Variants in UBE2W observed in about 807,000 individuals in gnomAD.
The protein encoded by UBE2W is ubiquitin-conjugating enzyme E2 W.
A neutral mutation model predicts 27.2 loss-of-function variants in UBE2W; 18 were observed. The observed-to-expected ratio is 0.66, with a 90% confidence interval of 0.46 to 0.98. The LOEUF (loss-of-function observed/expected upper bound fraction) is 0.98, where lower values mean the gene tolerates loss of function less well. Among genes scored for constraint, UBE2W ranks in the 50% least tolerant of loss-of-function variants. The pLI is 0.00. For missense variants in UBE2W, 90 were observed against 180.2 expected (o/e 0.50, Z 2.87); for synonymous variants, 53 against 57.2 (o/e 0.93, Z 0.33).
chr8:73,869,597 A>T (rs991595008), intron 1 of UBE2W, among the ~76,000 whole-genome samples: 10 of 152,220 alleles, frequency 6.6e-5, no homozygotes, highest in African/African-American at 2.4e-4. Flanking sequence ...AGGCTGAAGC[A>T]GAAGAATTGC....
chr8:73,841,425 A>T (rs1485233804), intron 1 of UBE2W, among the ~76,000 whole-genome samples: 3 of 152,354 alleles, frequency 2.0e-5, no homozygotes, highest in Middle Eastern at 3.4e-3. Context: ...CAATGTAGGT[A>T]TTCATTCTTA....
Position 73,789,997 on chromosome 8 carries a change from GAACT to G in UBE2W, c.*4101_*4104del. 5 of 985,036 alleles carry G rather than the reference GAACT, an allele frequency of 5.1e-6. No individual in the cohort carries two copies. The highest frequency in any genetic ancestry group is 6.0e-6 in the Non-Finnish European group (5 of 829,710). 61.0% of individuals were successfully genotyped at this position (985,036 alleles called of 1,614,324 possible). On this transcript the variant is annotated 3_prime_UTR_variant, in exon 6 of 6. Transcript: ENST00000602593. ...AAATTTCCTTAATATTAGTACTAAA[GAACT>G]AATTACAGCTAACAGCTCATTTACC... is the stretch of plus-strand genomic sequence containing the variant.
At position 73,878,743 on chromosome 8, in the gene UBE2W, C is replaced by A; in HGVS notation, c.15+65G>T. The A allele has an allele frequency of 2.1e-6, 3 of 1,427,722 alleles. No individual in the cohort carries two copies. The Middle Eastern group carries it at 5.2e-4, about 249-fold the overall frequency. The allele number at this position is 1,427,722 out of a possible 1,614,324, so 88.4% of individuals were successfully genotyped here. On this transcript the variant is annotated intron_variant, in intron 1 of 5. Transcript: ENST00000602593. ...GTCCCCGAATCGCGGACGCCACCCC[C>A]GCCCGAACGCTGGCACTCTCTCGGC...
Position 73,805,472 on chromosome 8 carries a change from C to CAAAAAAAAAAAAAAA in UBE2W, c.442+178_442+179insTTTTTTTTTTTTTTT. On this transcript the variant is annotated intron_variant, in intron 5 of 5. Coordinates refer to ENST00000602593, the MANE Select transcript of UBE2W (RefSeq NM_018299.6). ...TCCATCTCAAAAAAAAAAAAAAAAA[C>CAAAAAAAAAAAAAAA]AAAAAAAACTAGGGTAATTCATCCA... Among the ~76,000 whole-genome samples, 182 of 43,676 alleles carry CAAAAAAAAAAAAAAA rather than the reference C, an allele frequency of 4.2e-3. 27 individuals are homozygous for CAAAAAAAAAAAAAAA. Among genetic ancestry groups the CAAAAAAAAAAAAAAA allele is most frequent in the Admixed American group, 0.011 (29 of 2,588 alleles). The allele number at this position is 43,676 out of a possible 152,430, so 28.7% of individuals were successfully genotyped here. A position where few individuals can be genotyped will look rare whatever the true frequency, so the allele number is the denominator to read the frequency against.
At position 73,788,425 on chromosome 8, in the gene UBE2W, A is replaced by G. The variant is rs545441755; in HGVS notation, c.*5677T>C. On this transcript the variant is annotated 3_prime_UTR_variant, in exon 6 of 6. Transcript: ENST00000602593. ...AAATGGCACCAACTAAAACAAACAA[A>G]TTCATTTTGACCTGAACATGCATTT... 1.3e-4 allele frequency: 130 copies of G among 985,462 alleles called. No homozygotes were observed. The African/African-American group carries it at 2.2e-3, about 17-fold the overall frequency. The allele number at this position is 985,462 out of a possible 1,614,324, so 61.0% of individuals were successfully genotyped here.
chr8:73,785,718 A>G (rs59893471), downstream of UBE2W, among the ~76,000 whole-genome samples: 4,741 of 152,086 alleles, frequency 0.031, 226 homozygotes, highest in African/African-American at 0.1. Context: ...CAGCCTCCCA[A>G]GTAGCCGGGA....
Position 73,805,472 on chromosome 8 carries a change from C to CAAAAAAAAAAAAAAAAAAAAAAAAAA in UBE2W, c.442+178_442+179insTTTTTTTTTTTTTTTTTTTTTTTTTT. Among the ~76,000 whole-genome samples the CAAAAAAAAAAAAAAAAAAAAAAAAAA allele has an allele frequency of 3.7e-3, 161 of 43,656 alleles. 14 individuals carry two copies. The highest frequency in any genetic ancestry group is 0.015 in the Middle Eastern group (1 of 66). 28.6% of individuals were successfully genotyped at this position (43,656 alleles called of 152,430 possible). A position where few individuals can be genotyped will look rare whatever the true frequency, so the allele number is the denominator to read the frequency against. On this transcript the variant is annotated intron_variant, in intron 5 of 5. Coordinates refer to ENST00000602593, the MANE Select transcript of UBE2W (RefSeq NM_018299.6). ...TCCATCTCAAAAAAAAAAAAAAAAA[C>CAAAAAAAAAAAAAAAAAAAAAAAAAA]AAAAAAAACTAGGGTAATTCATCCA...
chr8:73,806,010 C>A (rs752389936), intron 4 of UBE2W, among the ~76,000 whole-genome samples: 3 of 152,040 alleles, frequency 2.0e-5, no homozygotes, highest in Non-Finnish European at 4.4e-5. Context: ...AAAAAATTAG[C>A]TGGGCATGGT....
At position 73,845,570 on chromosome 8, in the gene UBE2W, G is replaced by A. The variant is rs371976446; in HGVS notation, c.16-15098C>T. 2.2e-4 allele frequency among the ~76,000 whole-genome samples: 33 copies of A among 152,096 alleles called. No individual in the cohort carries two copies. In the South Asian group the frequency reaches 5.4e-3, roughly 25 times the overall value. ...AAGTACCCAGGGACACAAACATTGCGGAAGGCGGCAGGGCCCTCTGCCTAG... is the reference window on the plus strand; with the variant it reads ...AAGTACCCAGGGACACAAACATTGCAGAAGGCGGCAGGGCCCTCTGCCTAG... On this transcript the variant is annotated intron_variant, in intron 1 of 5. Transcript: ENST00000602593.
chr8:73,788,277 A>T lies in UBE2W; in HGVS notation c.*5825T>A. On this transcript the variant is annotated 3_prime_UTR_variant, in exon 6 of 6. Transcript: ENST00000602593. The stretch of plus-strand genomic sequence containing the variant: ...TTTATATTCTATTTAAAAAGTAGTG[A>T]CTTTACATATTTTGCAACTTGAGTT... 1.0e-6 allele frequency: 1 copy of T among 972,422 alleles called. No individual in the cohort carries two copies. The highest frequency in any genetic ancestry group is 5.3e-4 in the Middle Eastern group (1 of 1,884). The allele number at this position is 972,422 out of a possible 1,614,324, so 60.2% of individuals were successfully genotyped here.
chr8:73,844,611 G>A (rs144588460), intron 1 of UBE2W, among the ~76,000 whole-genome samples: 20,707 of 149,236 alleles, frequency 0.14, 1,641 homozygotes, highest in Middle Eastern at 0.21. Flanking sequence ...GCCGCCCATC[G>A]TCTGGGATGT....
downstream of UBE2W, among the ~76,000 whole-genome samples, chr8:73,781,269 C>CAAAAAAAAAAAAAAAAAA (rs72377675): frequency 1.2e-5 from 1 of 86,070 alleles, no homozygotes; most frequent in Non-Finnish European, 2.8e-5. Flanking sequence ...GACTCAGTCT[C>CAAAAAAAAAAAAAAAAAA]AAAAAAAAAA....
At position 73,805,472 on chromosome 8, in the gene UBE2W, C is replaced by CAAAAACAAAAACAAAAAAAAA. The variant is rs1554579999; in HGVS notation, c.442+178_442+179insTTTTTTTTTGTTTTTGTTTTT. On this transcript the variant is annotated intron_variant, in intron 5 of 5. Transcript: ENST00000602593. ...TCCATCTCAAAAAAAAAAAAAAAAA[C>CAAAAACAAAAACAAAAAAAAA]AAAAAAAACTAGGGTAATTCATCCA... 4.6e-5 allele frequency among the ~76,000 whole-genome samples: 2 copies of CAAAAACAAAAACAAAAAAAAA among 43,676 alleles called. 1 individual carries two copies. Among genetic ancestry groups the CAAAAACAAAAACAAAAAAAAA allele is most frequent in the Non-Finnish European group, 9.9e-5 (2 of 20,124 alleles). The allele number at this position is 43,676 out of a possible 152,430, so 28.7% of individuals were successfully genotyped here.
At chr8:73,817,634 C>T (rs1483253217) in intron 3 of UBE2W, among the ~76,000 whole-genome samples, 1 of 152,120 alleles carries the variant, frequency 6.6e-6, no homozygotes, top group Non-Finnish European at 1.5e-5. Context: ...TCTCCTGCCT[C>T]AGCCTGCTGA....
At chr8:73,861,074 G>C (rs191946992) in intron 1 of UBE2W, among the ~76,000 whole-genome samples, 5 of 152,090 alleles carry the variant, frequency 3.3e-5, no homozygotes, top group African/African-American at 1.2e-4. Flanking sequence ...AGGTACAGTT[G>C]TATCACTGCA....
intron 1 of UBE2W, among the ~76,000 whole-genome samples, chr8:73,861,258 C>T (rs1450670722): frequency 6.6e-6 from 1 of 152,104 alleles, no homozygotes; most frequent in Non-Finnish European, 1.5e-5. Flanking sequence ...GAGATATAAG[C>T]CCAGGGGCCA....
chr8:73,780,605 T>C, intron 4 of UBE2W: 4 of 413,104 alleles, frequency 9.7e-6, no homozygotes, highest in Admixed American at 7.9e-5. Context: ...CAATGCAACC[T>C]CCATCTCCCA....
chr8:73,842,141 T>C (rs1225667714), intron 1 of UBE2W, among the ~76,000 whole-genome samples: 1 of 152,112 alleles, frequency 6.6e-6, no homozygotes, highest in African/African-American at 2.4e-5. Context: ...ACATATAAAA[T>C]AGCTTCACTG....
intron 5 of UBE2W, among the ~76,000 whole-genome samples, 179 bp downstream of exon 5, chr8:73,805,472 C>CAAAAAAAAAACAAACAAAAA: frequency 4.6e-5 from 2 of 43,696 alleles, no homozygotes; most frequent in African/African-American, 1.2e-4. Context: ...AAAAAAAAAA[C>CAAAAAAAAAACAAACAAAAA]AAAAAAAACT....
Sources: gnomAD v4.1 joint callset for allele counts (sites outside exome capture counted in the v4.1 genomes callset) on GRCh38, gnomAD v4.1.1 for gene constraint, MANE v1.5 for transcripts, NCBI Gene and HGNC (gene_info 2026-07-23, HGNC 2026-07-21) for gene names.